Variants in DLG2 observed in about 807,000 individuals in gnomAD.
DLG2 encodes the protein discs large MAGUK scaffold protein 2.
A neutral mutation model predicts 132.5 loss-of-function variants in DLG2; 45 were observed. The ratio of observed to expected loss-of-function variants is 0.34; its 90% CI spans 0.27 to 0.44. DLG2 has a LOEUF of 0.44. DLG2 is among the 20% of genes least tolerant of loss of function. DLG2 has a pLI of 1.00. For missense variants in DLG2, 1,045 were observed against 1,196.9 expected (o/e 0.87, Z 1.87); for synonymous variants, 424 against 419.6 (o/e 1.01, Z -0.13).
chr11:84,729,294 C>T (rs1163914417), intron 6 of DLG2, among the ~76,000 whole-genome samples: 2 of 152,112 alleles, frequency 1.3e-5, no homozygotes, highest in Admixed American at 6.5e-5. Flanking sequence ...TCTTTGTTCT[C>T]ATTGGTTTCA....
intron 7 of DLG2, among the ~76,000 whole-genome samples, chr11:84,425,505 C>G (rs975017434): frequency 2.0e-5 from 3 of 151,990 alleles, no homozygotes; most frequent in African/African-American, 4.8e-5. Flanking sequence ...TTACAAAAGC[C>G]ATTTTCATAA....
At chr11:83,559,987 C>T (rs904685297) in intron 19 of DLG2, among the ~76,000 whole-genome samples, 9 of 152,072 alleles carry the variant, frequency 5.9e-5, no homozygotes, top group South Asian at 2.1e-4. Flanking sequence ...TTGTGTAAGT[C>T]ACTGCTATTT....
chr11:84,250,610 T>C (rs962520256), intron 8 of DLG2, among the ~76,000 whole-genome samples: 12 of 152,194 alleles, frequency 7.9e-5, no homozygotes, highest in African/African-American at 2.2e-4. Flanking sequence ...CTCACCCACA[T>C]TGTGGCCTAT....
intron 4 of DLG2, among the ~76,000 whole-genome samples, chr11:85,231,387 G>A (rs1317025486): frequency 6.6e-6 from 1 of 151,952 alleles, no homozygotes; most frequent in Admixed American, 6.6e-5. Flanking sequence ...TTAAGATCTA[G>A]AATAACTACT....
chr11:84,306,889 AG>A (rs796471129), intron 7 of DLG2, among the ~76,000 whole-genome samples: 11 of 152,348 alleles, frequency 7.2e-5, no homozygotes, highest in Admixed American at 2.6e-4. Context: ...TATACACTTC[AG>A]TGAGAGTGCA....
intron 16 of DLG2, among the ~76,000 whole-genome samples, chr11:83,861,873 A>G (rs1426097715): frequency 6.6e-6 from 1 of 152,204 alleles, no homozygotes; most frequent in African/African-American, 2.4e-5. Flanking sequence ...CTCAAAGAGT[A>G]TAATTGCATT....
At chr11:84,115,408 A>C (rs1200891662) in intron 9 of DLG2, among the ~76,000 whole-genome samples, 1 of 152,058 alleles carries the variant, frequency 6.6e-6, no homozygotes, top group African/African-American at 2.4e-5. Context: ...GATTGTGTGC[A>C]CTCCATTCCC....
intron 3 of DLG2, among the ~76,000 whole-genome samples, chr11:85,402,643 A>G (rs919570573): frequency 1.3e-5 from 2 of 152,224 alleles, no homozygotes; most frequent in Non-Finnish European, 2.9e-5. Flanking sequence ...ACAAATTTAC[A>G]AGAAAAAAAC....
At chr11:83,793,587 G>C (rs1455667421) in intron 17 of DLG2, among the ~76,000 whole-genome samples, 3 of 152,062 alleles carry the variant, frequency 2.0e-5, no homozygotes, top group African/African-American at 7.2e-5. Context: ...TGGAAAAATG[G>C]GAAGGAACAA....
chr11:84,094,502 TA>T (rs1275264062), intron 10 of DLG2, among the ~76,000 whole-genome samples: 2 of 152,300 alleles, frequency 1.3e-5, no homozygotes, highest in East Asian at 3.9e-4. Context: ...ATTTATGTCT[TA>T]GTCTGTTGGG....
chr11:84,421,344 G>A (rs1244435250), intron 7 of DLG2, among the ~76,000 whole-genome samples: 1 of 152,134 alleles, frequency 6.6e-6, no homozygotes, highest in Admixed American at 6.5e-5. Context: ...GTCAAAACAG[G>A]ATCCCAGAGC....
At chr11:83,507,778 A>T (rs1406086081) in intron 21 of DLG2, among the ~76,000 whole-genome samples, 1 of 127,874 alleles carries the variant, frequency 7.8e-6, no homozygotes, top group African/African-American at 3.1e-5. Flanking sequence ...ATATATATAT[A>T]TATATATATA....
At chr11:84,278,047 G>GTTGT (rs2097801301) in intron 7 of DLG2, among the ~76,000 whole-genome samples, 1 of 99,608 alleles carries the variant, frequency 1.0e-5, no homozygotes, top group African/African-American at 3.8e-5. Context: ...GCCTGGCTAA[G>GTTGT]TTTTTTTTTT....
Position 83,874,466 on chromosome 11 carries a change from T to C in DLG2, c.1519A>G (p.Thr507Ala), listed in dbSNP as rs770325440. 1.9e-6 allele frequency: 3 copies of C among 1,601,932 alleles called. No individual in the cohort carries two copies. Among genetic ancestry groups the C allele is most frequent in the Non-Finnish European group, 1.7e-6 (2 of 1,172,764 alleles). The change falls in exon 16 of 28, where the codon ACT becomes GCT. Residue 507 changes from threonine (T) to alanine (A), a missense_variant. Physicochemically the swap from Thr to Ala is moderately conservative, Grantham distance 58. Transcript: ENST00000376104. Reference sequence around the variant, plus strand: ...TGGAGAGTCATTGAAGGCTGACGAGTTGCGGTGCTATGTTGGGAATGACTG... The same window carrying C: ...TGGAGAGTCATTGAAGGCTGACGAGCTGCGGTGCTATGTTGGGAATGACTG... ...MTSHSQHSTA[T>A]RQPSMTLQRA...
intron 6 of DLG2, among the ~76,000 whole-genome samples, chr11:84,680,327 T>G (rs1176912312): frequency 6.6e-6 from 1 of 152,128 alleles, no homozygotes; most frequent in African/African-American, 2.4e-5. Context: ...AAAAAGAGTA[T>G]GACAATTTGC....
intron 19 of DLG2, among the ~76,000 whole-genome samples, chr11:83,611,819 T>C (rs2060157736): frequency 6.6e-6 from 1 of 152,192 alleles, no homozygotes. Flanking sequence ...TGTTGCCAGG[T>C]GGCAGCTGTC....
Position 84,373,265 on chromosome 11 carries a change from C to CAAAAAAAA in DLG2, c.520-121975_520-121974insTTTTTTTT, listed in dbSNP as rs59038372. 2.2e-3 allele frequency among the ~76,000 whole-genome samples: 217 copies of CAAAAAAAA among 98,052 alleles called. 7 individuals carry two copies. Among genetic ancestry groups the CAAAAAAAA allele is most frequent in the East Asian group, 2.7e-3 (9 of 3,318 alleles). 64.3% of individuals were successfully genotyped at this position (98,052 alleles called of 152,430 possible). ...AGAAACAGTCAAAAAAAAAAAAAAA[C>CAAAAAAAA]AAAACAAAAAAAAAACCCACCAGGC... On this transcript the variant is annotated intron_variant, in intron 7 of 27. Transcript: ENST00000376104.
chr11:84,423,289 A>G (rs978600481), intron 7 of DLG2, among the ~76,000 whole-genome samples: 3 of 152,150 alleles, frequency 2.0e-5, no homozygotes, highest in African/African-American at 7.2e-5. Context: ...CAATAAAAAT[A>G]ATACATTCAG....
intron 3 of DLG2, among the ~76,000 whole-genome samples, chr11:85,566,399 A>T (rs1256778596): frequency 6.6e-6 from 1 of 152,048 alleles, no homozygotes; most frequent in Admixed American, 6.6e-5. Flanking sequence ...TCATGGCCTT[A>T]TCCAAAGTCA....
Sources: gnomAD v4.1 joint callset for allele counts (sites outside exome capture counted in the v4.1 genomes callset) on GRCh38, gnomAD v4.1.1 for gene constraint, MANE v1.5 for transcripts, NCBI Gene and HGNC (gene_info 2026-07-23, HGNC 2026-07-21) for gene names.